The following FSHR variants were observed in gnomAD, a reference collection of about 807,000 sequenced individuals.
FSHR encodes the protein follicle-stimulating hormone receptor.
Under a neutral mutation model 52.1 loss-of-function variants are expected in FSHR, and 46 were observed. The observed-to-expected ratio is 0.88, with a 90% CI of 0.70 to 1.13. The LOEUF is 1.13. Ranked by LOEUF, FSHR falls within the 50% of genes most tolerant of loss-of-function variation. The pLI, the probability that FSHR is intolerant of heterozygous loss-of-function variation, is 0.00. For synonymous variants in FSHR, 399 were observed against 309.6 expected, an observed-to-expected ratio of 1.29 and a Z score of -3.03; for missense variants, 964 against 834.6, an observed-to-expected ratio of 1.16 and a Z score of -1.91.
chr2:49,002,803 C>T (rs1356084785), intron 4 of FSHR, among the ~76,000 whole-genome samples: 2 of 152,128 alleles, frequency 1.3e-5, no homozygotes, highest in Non-Finnish European at 2.9e-5. Context: ...CAAGTTCTCA[C>T]AGGCAGGGCC....
At chr2:48,969,622 G>C (rs1210370744) in intron 8 of FSHR, among the ~76,000 whole-genome samples, 1 of 152,202 alleles carries the variant, frequency 6.6e-6, no homozygotes, top group East Asian at 1.9e-4. Flanking sequence ...AGAACTTCCT[G>C]ACCAACAGAC....
intron 2 of FSHR, among the ~76,000 whole-genome samples, chr2:49,045,867 G>T (rs1047159512): frequency 2.6e-5 from 4 of 152,172 alleles, no homozygotes; most frequent in Admixed American, 2.0e-4. Flanking sequence ...AAATTTAAGG[G>T]TTATTGTTTT....
At chr2:48,985,697 GTTTTTTTTTTTTTT>G (rs70946839) in intron 6 of FSHR, among the ~76,000 whole-genome samples, 1 of 99,578 alleles carries the variant, frequency 1.0e-5, no homozygotes, top group Non-Finnish European at 1.9e-5. Context: ...GCAAGTACAG[GTTTTTTTTTTTTTT>G]TTTTTTTTTT....
At chr2:49,063,945 TAC>T (rs1024526711) in intron 2 of FSHR, among the ~76,000 whole-genome samples, 67 of 152,250 alleles carry the variant, frequency 4.4e-4, no homozygotes, top group African/African-American at 1.5e-3. Flanking sequence ...TCAATTATTT[TAC>T]AGTTATTATG....
chr2:48,978,198 ACT>A (rs1158636910), intron 8 of FSHR, among the ~76,000 whole-genome samples: 2 of 152,046 alleles, frequency 1.3e-5, no homozygotes, highest in Non-Finnish European at 2.9e-5. Flanking sequence ...GTTAAAAAGC[ACT>A]CTGTGCCCCA....
intron 4 of FSHR, among the ~76,000 whole-genome samples, chr2:49,009,295 ATTGCTTGT>A (rs1667184005): frequency 6.6e-6 from 1 of 151,174 alleles, no homozygotes; most frequent in South Asian, 2.1e-4. Flanking sequence ...TCCTTTCCCC[ATTGCTTGT>A]TTTTCTCAGG....
intron 1 of FSHR, among the ~76,000 whole-genome samples, chr2:49,126,097 G>A (rs535415603): frequency 1.1e-4 from 16 of 152,320 alleles, no homozygotes; most frequent in African/African-American, 2.6e-4. Flanking sequence ...TAAAGGATCC[G>A]TGGAATGGTA....
At position 48,968,766 on chromosome 2, in the gene FSHR, G is replaced by A. The variant is rs150863050; in HGVS notation, c.786C>T (p.Val262=). 413 of 1,614,132 alleles carry A rather than the reference G, an allele frequency of 2.6e-4. 2 individuals are homozygous for A. In the African/African-American group the frequency reaches 4.8e-3, roughly 19 times the overall value. ...AGGTGAGGCTGGCTTCCATGAGGGC[G>A]ACAAGCTTTTCCAGAGTAGGCAGCT... ...LKKLPTLEKL[V]ALMEASLTYP... The change falls in exon 9 of 10, where the codon GTC becomes GTT. Residue 262 remains valine, a synonymous_variant. Coordinates refer to ENST00000406846, the MANE Select transcript of FSHR (RefSeq NM_000145.4).
chr2:49,001,939 T>A (rs1666903255), intron 4 of FSHR, among the ~76,000 whole-genome samples: 3 of 152,104 alleles, frequency 2.0e-5, no homozygotes. Flanking sequence ...TTTTAGAAGA[T>A]TGGAAGGTAA....
In FSHR at chr2:48,979,193, C is replaced by G. The variant is rs564268501; in HGVS notation, c.668+3719G>C. The stretch of plus-strand genomic sequence containing the variant: ...GGTGTTATGACTCACGCCTGTAATT[C>G]CAGTGCTTTGGGAGTCCAAGGCAGG... On this transcript the variant is annotated intron_variant, in intron 8 of 9. Coordinates refer to ENST00000406846, the MANE Select transcript of FSHR (RefSeq NM_000145.4). Among the ~76,000 whole-genome samples, 11 of 152,188 alleles carry G rather than the reference C, an allele frequency of 7.2e-5. No homozygotes were observed. The East Asian group carries it at 2.1e-3, about 29-fold the overall frequency.
At chr2:49,105,949 A>G (rs900474577) in intron 1 of FSHR, among the ~76,000 whole-genome samples, 1 of 152,200 alleles carries the variant, frequency 6.6e-6, no homozygotes, top group Non-Finnish European at 1.5e-5. Flanking sequence ...TCCCAAAAGC[A>G]AACTGGGCAG....
intron 2 of FSHR, among the ~76,000 whole-genome samples, chr2:49,054,232 G>A (rs1018139973): frequency 6.6e-6 from 1 of 152,158 alleles, no homozygotes; most frequent in Non-Finnish European, 1.5e-5. Context: ...TCTGTGGGTG[G>A]ACCCCAGGAG....
At chr2:48,999,030 T>G (rs1181891074) in intron 4 of FSHR, among the ~76,000 whole-genome samples, 1 of 152,048 alleles carries the variant, frequency 6.6e-6, no homozygotes, top group Non-Finnish European at 1.5e-5. Flanking sequence ...GTTTGTGTGT[T>G]TGTTCGCTGA....
intron 3 of FSHR, among the ~76,000 whole-genome samples, chr2:49,018,121 AATCG>A (rs1667555623): frequency 6.6e-6 from 1 of 152,234 alleles, no homozygotes; most frequent in Non-Finnish European, 1.5e-5. Flanking sequence ...GGAGAAAAAC[AATCG>A]ATATCTTTTT....
chr2:48,972,722 A>T (rs1246028074), intron 8 of FSHR, among the ~76,000 whole-genome samples: 3 of 151,988 alleles, frequency 2.0e-5, no homozygotes, highest in African/African-American at 7.3e-5. Context: ...AAATGAGATT[A>T]AAAAAAACAT....
chr2:49,025,158 G>A (rs568182746), intron 2 of FSHR, among the ~76,000 whole-genome samples: 115 of 152,324 alleles, frequency 7.5e-4, no homozygotes, highest in Non-Finnish European at 1.5e-3. Context: ...ATTCGCACAG[G>A]AGGGAAGCTT....
chr2:49,067,264 T>C (rs1272925633), intron 2 of FSHR, among the ~76,000 whole-genome samples: 1 of 152,136 alleles, frequency 6.6e-6, no homozygotes. Context: ...TGCTGGAACA[T>C]AATGACATCT....
At chr2:48,988,452 C>T (rs1241525227) in intron 6 of FSHR, among the ~76,000 whole-genome samples, 1 of 152,170 alleles carries the variant, frequency 6.6e-6, no homozygotes, top group Non-Finnish European at 1.5e-5. Flanking sequence ...AGGTCTTTCA[C>T]TAACAACACA....
intron 4 of FSHR, among the ~76,000 whole-genome samples, chr2:49,002,284 C>T (rs1441163957): frequency 6.6e-6 from 1 of 152,092 alleles, no homozygotes; most frequent in Non-Finnish European, 1.5e-5. Context: ...TCAAAATGTT[C>T]CCACACCCAG....
Sources: gnomAD v4.1 joint callset for allele counts (sites outside exome capture counted in the v4.1 genomes callset) on GRCh38, gnomAD v4.1.1 for gene constraint, MANE v1.5 for transcripts, NCBI Gene and HGNC (gene_info 2026-07-23, HGNC 2026-07-21) for gene names.